Variants in SLC4A4 observed in about 807,000 individuals in gnomAD.
SLC4A4 encodes the protein electrogenic sodium bicarbonate cotransporter 1.
SLC4A4 carries 27 observed loss-of-function variants against 111.5 expected under a neutral mutation model. That is an observed-to-expected ratio of 0.24 (90% CI 0.18 to 0.33). The LOEUF (loss-of-function observed/expected upper bound fraction) is 0.33. Among genes scored for constraint, SLC4A4 ranks in the 10% least tolerant of loss-of-function variants. SLC4A4 has a pLI of 1.00. For missense variants in SLC4A4, 909 were observed against 1,315.5 expected (o/e 0.69, Z 4.78); for synonymous variants, 443 against 463.4 (o/e 0.96, Z 0.57).
rs79918317 is a variant in SLC4A4, at chr4:71,471,111, A to T, written c.1632-1588A>T. 1.9e-3 allele frequency among the ~76,000 whole-genome samples: 287 copies of T among 152,128 alleles called. 5 individuals are homozygous for T. In the East Asian group the frequency reaches 0.036, roughly 19 times the overall value. On this transcript the variant is annotated intron_variant, in intron 13 of 25. Coordinates refer to ENST00000264485, the MANE Select transcript of SLC4A4 (RefSeq NM_001098484.3). ...TTCTAATATTCTATAATTTTGAGCT[A>T]TCATAGGAACAGTCATGTCTTGGTT... is the stretch of plus-strand genomic sequence containing the variant.
intron 6 of SLC4A4, among the ~76,000 whole-genome samples, chr4:71,361,953 A>G (rs1440866329): frequency 1.3e-5 from 2 of 152,184 alleles, no homozygotes; most frequent in African/African-American, 4.8e-5. Context: ...AGATGATCAG[A>G]CTTTTTTTTA....
intron 3 of SLC4A4, among the ~76,000 whole-genome samples, chr4:71,313,859 G>A (rs1726421772): frequency 1.3e-5 from 2 of 152,130 alleles, no homozygotes; most frequent in Admixed American, 1.3e-4. Flanking sequence ...ATAGGCATGG[G>A]CAAAGATTTC....
chr4:71,528,921 A>G (rs1578121076), intron 16 of SLC4A4, among the ~76,000 whole-genome samples: 1 of 152,080 alleles, frequency 6.6e-6, no homozygotes, highest in Middle Eastern at 3.4e-3. Context: ...ATCTCTACAT[A>G]GTAGAATTGA....
At chr4:71,293,541 C>A (rs1471649900) in intron 3 of SLC4A4, among the ~76,000 whole-genome samples, 4 of 147,598 alleles carry the variant, frequency 2.7e-5, no homozygotes, top group Non-Finnish European at 4.4e-5. Context: ...CCAGCCTGGG[C>A]GACTCCGTCT....
chr4:71,121,110 G>A (rs1329327688), intron 2 of SLC4A4, among the ~76,000 whole-genome samples: 1 of 152,114 alleles, frequency 6.6e-6, no homozygotes, highest in Non-Finnish European at 1.5e-5. Context: ...CCCCCAGTAG[G>A]GCTGGCTGGC....
intron 14 of SLC4A4, among the ~76,000 whole-genome samples, chr4:71,475,172 AC>A (rs1298601212): frequency 6.6e-6 from 1 of 151,602 alleles, no homozygotes. Flanking sequence ...AGGAAAAAAA[AC>A]ACTTTGAGAT....
At chr4:71,472,446 A>G (rs111486129) in intron 13 of SLC4A4, among the ~76,000 whole-genome samples, 22 of 152,096 alleles carry the variant, frequency 1.4e-4, no homozygotes, top group African/African-American at 5.3e-4. Context: ...GAGAAAAATA[A>G]TAAGGTTTTC....
At chr4:71,547,000 G>A (rs1735598022) in intron 19 of SLC4A4, among the ~76,000 whole-genome samples, 1 of 151,912 alleles carries the variant, frequency 6.6e-6, no homozygotes, top group East Asian at 1.9e-4. Flanking sequence ...GGAGTAGAAG[G>A]TTTTTATACT....
At chr4:71,483,000 T>C (rs1235416100) in intron 14 of SLC4A4, among the ~76,000 whole-genome samples, 2 of 151,630 alleles carry the variant, frequency 1.3e-5, no homozygotes, top group African/African-American at 2.4e-5. Flanking sequence ...TGCTCTAGGA[T>C]GTTTTAAAAT....
chr4:71,321,586 G>C lies in SLC4A4; in HGVS notation c.254-17784G>C, dbSNP rs117386385. On this transcript the variant is annotated intron_variant, in intron 3 of 25. Transcript: ENST00000264485. ...TTATTGGCTCACCCCCAGTTCTGGA[G>C]GGTGAGAAATCCACCATCAAGGTTC... 5.4e-4 allele frequency among the ~76,000 whole-genome samples: 82 copies of C among 152,040 alleles called. No individual in the cohort carries two copies. The East Asian group carries it at 0.015, about 27-fold the overall frequency.
At chr4:71,382,904 AG>A (rs927184262) in intron 6 of SLC4A4, among the ~76,000 whole-genome samples, 96 of 152,280 alleles carry the variant, frequency 6.3e-4, no homozygotes, top group Non-Finnish European at 1.0e-3. Context: ...CTGAAGCCAA[AG>A]TTTTGATACT....
chr4:71,468,638 A>C (rs1449999800), intron 13 of SLC4A4, among the ~76,000 whole-genome samples: 8 of 152,082 alleles, frequency 5.3e-5, no homozygotes, highest in African/African-American at 1.4e-4. Context: ...TTATAGCAGC[A>C]GCAGTGATAA....
intron 7 of SLC4A4, among the ~76,000 whole-genome samples, chr4:71,439,686 C>G (rs909491628): frequency 3.3e-5 from 5 of 151,622 alleles, no homozygotes; most frequent in Admixed American, 6.6e-5. Context: ...ATTAGGGTGA[C>G]CCAGGACTTA....
chr4:71,338,704 GTTTTT>G (rs1197963520), intron 3 of SLC4A4, among the ~76,000 whole-genome samples: 1 of 134,300 alleles, frequency 7.4e-6, no homozygotes, highest in African/African-American at 2.7e-5. Flanking sequence ...GTTGGAAAAT[GTTTTT>G]TTTTTTTTTC....
chr4:71,175,098 A>T (rs936081011), intron 2 of SLC4A4, among the ~76,000 whole-genome samples: 1 of 152,256 alleles, frequency 6.6e-6, no homozygotes, highest in Non-Finnish European at 1.5e-5. Flanking sequence ...ATACTTATTC[A>T]TATGGAAAAT....
At chr4:71,482,929 G>C (rs1378378793) in intron 14 of SLC4A4, among the ~76,000 whole-genome samples, 1 of 151,528 alleles carries the variant, frequency 6.6e-6, no homozygotes, top group African/African-American at 2.4e-5. Flanking sequence ...GCAAGTAACT[G>C]GCATAGCAAG....
intron 7 of SLC4A4, among the ~76,000 whole-genome samples, chr4:71,418,928 C>A (rs1722075390): frequency 6.6e-6 from 1 of 152,214 alleles, no homozygotes; most frequent in Non-Finnish European, 1.5e-5. Flanking sequence ...CACTCAGCTG[C>A]AGGTCTGTTG....
At chr4:71,444,060 T>C (rs1307442310) in intron 8 of SLC4A4, among the ~76,000 whole-genome samples, 3 of 152,188 alleles carry the variant, frequency 2.0e-5, no homozygotes, top group Non-Finnish European at 4.4e-5. Context: ...AATTCACTGT[T>C]GTTTTGAGAG....
At position 71,143,774 on chromosome 4, in the gene SLC4A4, T is replaced by C. The variant is rs1459605713; in HGVS notation, c.-2+50982T>C. On this transcript the variant is annotated intron_variant, in intron 2 of 26. Coordinates refer to the SLC4A4 transcript ENST00000649996. The stretch of plus-strand genomic sequence containing the variant: ...GAGAAGTGTCTGTTCATATCCTTTG[T>C]CCACTTTTTGATGGTGTTGTTTGTT... Among the ~76,000 whole-genome samples, 4 of 152,150 alleles carry C rather than the reference T, an allele frequency of 2.6e-5. No individual in the cohort carries two copies. In the East Asian group the frequency reaches 7.7e-4, roughly 29 times the overall value.
Sources: gnomAD v4.1 joint callset for allele counts (sites outside exome capture counted in the v4.1 genomes callset) on GRCh38, gnomAD v4.1.1 for gene constraint, MANE v1.5 for transcripts, NCBI Gene and HGNC (gene_info 2026-07-23, HGNC 2026-07-21) for gene names.